Variants in KHDRBS2 observed in about 807,000 individuals in gnomAD.
KHDRBS2 encodes the protein KH RNA binding domain containing, signal transduction associated 2.
KHDRBS2 carries 26 observed loss-of-function variants against 44.3 expected under a neutral mutation model. The ratio of observed to expected loss-of-function variants is 0.59; its 90% CI spans 0.43 to 0.81. KHDRBS2 has a LOEUF of 0.81. Ranked by LOEUF, KHDRBS2 falls within the 40% of genes least tolerant of loss-of-function variation. KHDRBS2 has a pLI of 0.00. For missense variants in KHDRBS2, 476 were observed against 433.1 expected, an observed-to-expected ratio of 1.10 and a Z score of -0.88; for synonymous variants, 194 against 151.1, an observed-to-expected ratio of 1.28 and a Z score of -2.08.
chr6:61,611,418 G>C, the KHDRBS2 span, among the ~76,000 whole-genome samples: 15 of 152,202 alleles, frequency 9.9e-5, no homozygotes, highest in African/African-American at 1.4e-4. Context: ...TCTTACAGAG[G>C]TAAGACTAAG....
chr6:62,004,429 T>C (rs1188899274), intron 3 of KHDRBS2, among the ~76,000 whole-genome samples: 2 of 152,074 alleles, frequency 1.3e-5, no homozygotes, highest in Non-Finnish European at 2.9e-5. Context: ...CCTGGAGACA[T>C]ACACCCTCCT....
chr6:61,965,233 G>A (rs1316651065), intron 4 of KHDRBS2, among the ~76,000 whole-genome samples: 2 of 152,014 alleles, frequency 1.3e-5, no homozygotes, highest in Admixed American at 6.6e-5. Context: ...TGAAACATCT[G>A]CTCCCCCTAC....
At chr6:61,809,808 G>T (rs1324116462) in intron 6 of KHDRBS2, among the ~76,000 whole-genome samples, 1 of 152,082 alleles carries the variant, frequency 6.6e-6, no homozygotes, top group Non-Finnish European at 1.5e-5. Context: ...TTATACTGTA[G>T]CAAGGATTTA....
At chr6:61,919,920 T>A (rs1448063630) in intron 4 of KHDRBS2, among the ~76,000 whole-genome samples, 5 of 35,564 alleles carry the variant, frequency 1.4e-4, no homozygotes, top group Non-Finnish European at 2.6e-4. Flanking sequence ...ACTTTAGTAC[T>A]CTTTTTTTCC....
At chr6:62,052,602 G>GA (rs2127314717) in intron 2 of KHDRBS2, among the ~76,000 whole-genome samples, 1 of 5,662 alleles carries the variant, frequency 1.8e-4, no homozygotes, top group African/African-American at 3.1e-4. Context: ...TTCCACTGGT[G>GA]GGGTGGGGGT....
At chr6:62,205,812 C>A (rs533693566) in intron 1 of KHDRBS2, among the ~76,000 whole-genome samples, 11 of 152,224 alleles carry the variant, frequency 7.2e-5, no homozygotes, top group Non-Finnish European at 1.6e-4. Flanking sequence ...ATCAAACTGT[C>A]TATCATGGAT....
intron 6 of KHDRBS2, among the ~76,000 whole-genome samples, chr6:61,856,572 A>T (rs1387192825): frequency 6.6e-6 from 1 of 151,998 alleles, no homozygotes; most frequent in Non-Finnish European, 1.5e-5. Flanking sequence ...TAAAAAAAGA[A>T]TTGTGAAGTA....
At chr6:61,950,490 G>T (rs890727916) in intron 4 of KHDRBS2, among the ~76,000 whole-genome samples, 8 of 151,894 alleles carry the variant, frequency 5.3e-5, no homozygotes, top group South Asian at 2.1e-4. Context: ...TTTCCCTGAT[G>T]AATCAATGAT....
chr6:61,893,301 C>A (rs71568778), intron 6 of KHDRBS2, among the ~76,000 whole-genome samples: 1 of 152,062 alleles, frequency 6.6e-6, no homozygotes, highest in Non-Finnish European at 1.5e-5. Context: ...ACTGTTGGTG[C>A]GACTGTAAAC....
intron 1 of KHDRBS2, among the ~76,000 whole-genome samples, chr6:62,272,642 T>G (rs1359547221): frequency 6.6e-6 from 1 of 152,088 alleles, no homozygotes; most frequent in Non-Finnish European, 1.5e-5. Flanking sequence ...TATCAAGATG[T>G]TGGCAGTGAG....
At chr6:61,975,680 C>CACACACACACACACAG (rs148696826) in intron 4 of KHDRBS2, among the ~76,000 whole-genome samples, 57 of 149,856 alleles carry the variant, frequency 3.8e-4, no homozygotes, top group Admixed American at 5.3e-4. Context: ...CACACACACA[C>CACACACACACACACAG]AGAGAGATAT....
chr6:61,582,352 A>G, the KHDRBS2 span, among the ~76,000 whole-genome samples: 2 of 151,700 alleles, frequency 1.3e-5, no homozygotes, highest in Non-Finnish European at 3.0e-5. Context: ...AAACAATAAT[A>G]TACAAATAGA....
At chr6:61,663,510 T>TATATATATATATATATATATATAC in the KHDRBS2 span, among the ~76,000 whole-genome samples, 1 of 92,212 alleles carries the variant, frequency 1.1e-5, no homozygotes, top group Non-Finnish European at 2.1e-5. Flanking sequence ...CATATATATA[T>TATATATATATATATATATATATAC]ATATATATAT....
At chr6:62,035,178 A>G (rs1262368714) in intron 3 of KHDRBS2, among the ~76,000 whole-genome samples, 6 of 152,024 alleles carry the variant, frequency 3.9e-5, no homozygotes, top group Non-Finnish European at 7.4e-5. Context: ...TATCAAAGAC[A>G]TATCTGCACT....
the KHDRBS2 span, among the ~76,000 whole-genome samples, chr6:61,595,767 C>T: frequency 2.2e-3 from 339 of 151,682 alleles, 2 homozygotes; most frequent in African/African-American, 7.1e-3. Context: ...TGATATAAAA[C>T]GATGTCAAAG....
At chr6:61,841,043 A>G (rs1159486292) in intron 6 of KHDRBS2, among the ~76,000 whole-genome samples, 1 of 152,124 alleles carries the variant, frequency 6.6e-6, no homozygotes, top group Admixed American at 6.6e-5. Flanking sequence ...TGGCCCTTAC[A>G]ACATTTAAGT....
At chr6:61,637,021 CT>C in the KHDRBS2 span, among the ~76,000 whole-genome samples, 1 of 151,710 alleles carries the variant, frequency 6.6e-6, no homozygotes, top group African/African-American at 2.4e-5. Flanking sequence ...TCAACATATA[CT>C]TTTTTCTTTT....
chr6:62,280,505 T>C lies in KHDRBS2; in HGVS notation c.91+5353A>G, dbSNP rs147364976. Among the ~76,000 whole-genome samples, 16 of 152,288 alleles carry C rather than the reference T, an allele frequency of 1.1e-4. No individual in the cohort carries two copies. The East Asian group carries it at 2.7e-3, about 26-fold the overall frequency. ...AGGGGTCAGAAAAAATTTACTCAAT[T>C]TGGCAATATGAGATTATTCTGTCAC... is the stretch of plus-strand genomic sequence containing the variant. On this transcript the variant is annotated intron_variant, in intron 1 of 8. Coordinates refer to ENST00000281156, the MANE Select transcript of KHDRBS2 (RefSeq NM_152688.4).
intron 2 of KHDRBS2, among the ~76,000 whole-genome samples, chr6:62,127,122 G>A (rs1809154141): frequency 6.6e-6 from 1 of 152,092 alleles, no homozygotes. Flanking sequence ...TTTAAACTAG[G>A]AGGACATGGT....
Sources: gnomAD v4.1 joint callset for allele counts (sites outside exome capture counted in the v4.1 genomes callset) on GRCh38, gnomAD v4.1.1 for gene constraint, MANE v1.5 for transcripts, NCBI Gene and HGNC (gene_info 2026-07-23, HGNC 2026-07-21) for gene names.